C9orf85: variants seen among roughly 807,000 people sequenced by gnomAD.
C9orf85 encodes chromosome 9 open reading frame 85.
A neutral mutation model predicts 14.9 loss-of-function variants in C9orf85; 16 were observed. The ratio of observed to expected loss-of-function variants is 1.08; its 90% CI spans 0.73 to 1.63. The LOEUF (loss-of-function observed/expected upper bound fraction) is 1.63. C9orf85 is among the 40% of genes most tolerant of loss of function. The pLI, the probability that C9orf85 is intolerant of heterozygous loss-of-function variation, is 0.00. For missense variants in C9orf85, 172 were observed against 186.1 expected, an observed-to-expected ratio of 0.92 and a Z score of 0.44; for synonymous variants, 45 against 56.8, an observed-to-expected ratio of 0.79 and a Z score of 0.93.
chr9:71,923,086 C>T (rs1004803628), intron 1 of C9orf85, among the ~76,000 whole-genome samples: 4 of 152,122 alleles, frequency 2.6e-5, no homozygotes, highest in African/African-American at 7.2e-5. Context: ...GCTGAGGTCG[C>T]GCCGCTGCAC....
At chr9:71,946,969 G>A (rs200864329) in intron 1 of C9orf85, 37 bp from the exon 2 acceptor site, 18 of 1,479,870 alleles carry the variant, frequency 1.2e-5, no homozygotes, top group Middle Eastern at 1.9e-4. Context: ...TGGCTCACGC[G>A]TGAAATTCTC....
downstream of C9orf85, among the ~76,000 whole-genome samples, chr9:71,976,695 T>C (rs1006979428): frequency 3.4e-5 from 5 of 148,402 alleles, no homozygotes; most frequent in African/African-American, 9.9e-5. Flanking sequence ...TCCTGGGATA[T>C]TGTGGTTCAT....
intron 2 of C9orf85, among the ~76,000 whole-genome samples, chr9:71,959,601 C>T (rs544221105): frequency 6.6e-6 from 1 of 152,258 alleles, no homozygotes; most frequent in South Asian, 2.1e-4. Flanking sequence ...TTTAAAGTTT[C>T]ATAATCTATT....
At chr9:71,921,255 A>T (rs1827796822) in intron 1 of C9orf85, among the ~76,000 whole-genome samples, 1 of 152,120 alleles carries the variant, frequency 6.6e-6, no homozygotes, top group Non-Finnish European at 1.5e-5. Flanking sequence ...CCCTTAGGAG[A>T]GTCTGACACC....
Position 71,921,723 on chromosome 9 carries a change from C to T in C9orf85, c.102+9887C>T, listed in dbSNP as rs540452948. The stretch of plus-strand genomic sequence containing the variant: ...AATTGATTGAGACCTGTCTCAAATT[C>T]TTTTTGGTTTACAAATGAAGTAAAT... On this transcript the variant is annotated intron_variant, in intron 1 of 3. Coordinates refer to ENST00000334731, the MANE Select transcript of C9orf85 (RefSeq NM_182505.5). Among the ~76,000 whole-genome samples, 462 of 152,240 alleles carry T rather than the reference C, an allele frequency of 3.0e-3. 5 individuals carry two copies. Among genetic ancestry groups the T allele is most frequent in the South Asian group, 8.7e-3 (42 of 4,822 alleles).
At chr9:71,974,484 C>T (rs1822967756), downstream of C9orf85, among the ~76,000 whole-genome samples, 1 of 152,102 alleles carries the variant, frequency 6.6e-6, no homozygotes, top group Non-Finnish European at 1.5e-5. Flanking sequence ...CTCAAGCGAT[C>T]CACCCACCTT....
intron 1 of C9orf85, among the ~76,000 whole-genome samples, chr9:71,927,874 C>T (rs557944239): frequency 1.3e-5 from 2 of 152,118 alleles, no homozygotes; most frequent in African/African-American, 4.8e-5. Context: ...ACTTTATTTT[C>T]TGTCCTTTAT....
intron 1 of C9orf85, among the ~76,000 whole-genome samples, chr9:71,917,325 T>C (rs1454888214): frequency 1.3e-5 from 2 of 152,198 alleles, no homozygotes; most frequent in Non-Finnish European, 2.9e-5. Flanking sequence ...ACATGTGGGC[T>C]GGTTGGGGTG....
downstream of C9orf85, among the ~76,000 whole-genome samples, chr9:71,978,039 T>A (rs1823036688): frequency 6.6e-6 from 1 of 152,248 alleles, no homozygotes; most frequent in Non-Finnish European, 1.5e-5. Flanking sequence ...CCTCTAGCAA[T>A]GTTAATTTGA....
intron 1 of C9orf85, among the ~76,000 whole-genome samples, chr9:71,938,317 A>G (rs2132289586): frequency 6.6e-6 from 1 of 152,238 alleles, no homozygotes; most frequent in South Asian, 2.1e-4. Context: ...CCAGGATAAA[A>G]AAGCGAAGCA....
intron 2 of C9orf85, among the ~76,000 whole-genome samples, chr9:71,968,099 T>TAGAG (rs140604366): frequency 0.53 from 68,728 of 129,880 alleles, 16,549 homozygotes; most frequent in South Asian, 0.62. Flanking sequence ...TATATATATA[T>TAGAG]ATAGAGAGAG....
At chr9:71,963,980 G>A (rs1447071795) in intron 2 of C9orf85, among the ~76,000 whole-genome samples, 2 of 152,130 alleles carry the variant, frequency 1.3e-5, no homozygotes, top group East Asian at 1.9e-4. Context: ...TGGGATCCAC[G>A]GGGTGAAGCC....
chr9:71,947,761 G>C (rs376260540), intron 2 of C9orf85, among the ~76,000 whole-genome samples: 4 of 151,546 alleles, frequency 2.6e-5, no homozygotes, highest in African/African-American at 9.7e-5. Context: ...CTCCTGCCTC[G>C]GCCTCCCAAG....
intron 1 of C9orf85, among the ~76,000 whole-genome samples, chr9:71,938,880 G>A (rs947739929): frequency 3.3e-5 from 5 of 151,294 alleles, no homozygotes; most frequent in Admixed American, 2.6e-4. Flanking sequence ...ACTAAATGAT[G>A]GTATTACTCT....
At chr9:71,982,638 T>C (rs1332582904) in intron 3 of C9orf85, 95 of 377,042 alleles carry the variant, frequency 2.5e-4, no homozygotes, top group African/African-American at 1.8e-3. Context: ...ATTTCTTTTT[T>C]TTTTTTTTTT....
chr9:71,970,437 A>G (rs548327378), intron 2 of C9orf85, among the ~76,000 whole-genome samples: 1 of 152,184 alleles, frequency 6.6e-6, no homozygotes, highest in East Asian at 1.9e-4. Context: ...TATACTTCCA[A>G]TTCCTCCCGG....
At chr9:71,970,689 C>A (rs1479408803) in intron 2 of C9orf85, among the ~76,000 whole-genome samples, 1 of 151,976 alleles carries the variant, frequency 6.6e-6, no homozygotes, top group Non-Finnish European at 1.5e-5. Context: ...TCCTGGGTGC[C>A]TAGAATTTCT....
chr9:71,947,883 T>C (rs1189706151), intron 2 of C9orf85, among the ~76,000 whole-genome samples: 1 of 152,140 alleles, frequency 6.6e-6, no homozygotes. Flanking sequence ...TGACCTCAGG[T>C]GATCTGCCCG....
At chr9:71,923,137 G>T (rs2132258594) in intron 1 of C9orf85, among the ~76,000 whole-genome samples, 1 of 152,252 alleles carries the variant, frequency 6.6e-6, no homozygotes, top group Non-Finnish European at 1.5e-5. Context: ...CTCAAAAAAA[G>T]ACTGACCACC....
Sources: allele counts gnomAD v4.1 joint callset (sites outside exome capture counted in the v4.1 genomes callset), GRCh38; gene constraint gnomAD v4.1.1; transcripts MANE v1.5; gene names NCBI Gene and HGNC (gene_info 2026-07-23, HGNC 2026-07-21).